YWHAH: variants seen among roughly 807,000 people sequenced by gnomAD.
YWHAH encodes the protein tyrosine 3-monooxygenase/tryptophan 5-monooxygenase activation protein eta.
In YWHAH, 6 loss-of-function variants were observed where a neutral mutation model predicts 22.9. That is an observed-to-expected ratio of 0.26 (90% CI 0.14 to 0.52). The LOEUF is 0.52. YWHAH is among the 20% of genes least tolerant of loss of function. The pLI is 0.97. For missense variants in YWHAH, 173 were observed against 308.6 expected (o/e 0.56, Z 3.29); for synonymous variants, 135 against 124.5 (o/e 1.08, Z -0.56).
intron 1 of YWHAH, among the ~76,000 whole-genome samples, chr22:31,949,158 T>TTTTTTTAG (rs2093839370): frequency 7.2e-6 from 1 of 139,014 alleles, no homozygotes; most frequent in Non-Finnish European, 1.6e-5. Flanking sequence ...TTTTTTTTTT[T>TTTTTTTAG]GAGACAGTTT....
intron 1 of YWHAH, among the ~76,000 whole-genome samples, chr22:31,955,349 A>G (rs1363210512): frequency 6.6e-6 from 1 of 151,926 alleles, no homozygotes; most frequent in East Asian, 1.9e-4. Context: ...TTTCCAGAGT[A>G]TAAAGCTGGA....
In YWHAH at chr22:31,944,779, C is replaced by T; in HGVS notation, c.46C>T (p.Gln16Ter). 3 of 1,423,034 alleles carry T rather than the reference C, an allele frequency of 2.1e-6. No individual in the cohort carries two copies. The highest frequency in any genetic ancestry group is 3.2e-5 in the East Asian group (1 of 31,038). The allele number at this position is 1,423,034 out of a possible 1,614,324, so 88.2% of individuals were successfully genotyped here. A position where few individuals can be genotyped will look rare whatever the true frequency, so the allele number is the denominator to read the frequency against. Residue 16 changes from glutamine (Q) to a stop codon, truncating the protein, a stop_gained, in exon 1 of 2, where the codon CAG becomes TAG. Transcript: ENST00000248975. LOFTEE classifies it high-confidence loss of function. ...GCTGCAGCGGGCGCGGCTGGCCGAG[C>T]AGGCGGAGCGCTACGACGACATGGC... ...QLLQRARLAE[Q>*]AERYDDMASA...
chr22:31,945,679 G>T, intron 1 of YWHAH: 1 of 1,259,464 alleles, frequency 7.9e-7, no homozygotes. Context: ...TACGTTTTCT[G>T]TAAATGAATA....
intron 1 of YWHAH, among the ~76,000 whole-genome samples, chr22:31,952,620 A>G (rs1461979707): frequency 6.6e-6 from 1 of 152,200 alleles, no homozygotes; most frequent in African/African-American, 2.4e-5. Flanking sequence ...TTGCTGAGAT[A>G]TGTTAGTCAC....
rs760179452 is a variant in YWHAH, at chr22:31,956,318, T to C, written c.267T>C (p.Ile89=). 1.2e-6 allele frequency: 2 copies of C among 1,614,076 alleles called. No individual in the cohort carries two copies. The highest frequency in any genetic ancestry group is 4.5e-5 in the East Asian group (2 of 44,892). The change falls in exon 2 of 2, where the codon ATT becomes ATC. Residue 89 remains isoleucine (I), a synonymous_variant. Transcript: ENST00000248975. This position sits in a 1 kb window ranked among gnomAD's most constrained non-coding sequence, Gnocchi z 5.1. ...AAGTTAAAGCTTACCGGGAGAAGAT[T>C]GAGAAGGAGCTGGAGACAGTTTGCA... is the stretch of plus-strand genomic sequence containing the variant. The part of the protein sequence containing the change: ...LEKVKAYREK[I]EKELETVCND...
chr22:31,947,633 C>T (rs1033151518), intron 1 of YWHAH: 1 of 385,080 alleles, frequency 2.6e-6, no homozygotes, highest in African/African-American at 2.1e-5. Context: ...CAAGCTCTAT[C>T]TCATACCTAC....
At chr22:31,945,646 C>T in intron 1 of YWHAH, 5 of 1,288,018 alleles carry the variant, frequency 3.9e-6, no homozygotes, top group Admixed American at 2.3e-5. Flanking sequence ...CGGTTACCAT[C>T]TCACTCTCTC....
intron 1 of YWHAH, among the ~76,000 whole-genome samples, chr22:31,955,874 C>G (rs776210611): frequency 3.3e-5 from 5 of 152,210 alleles, no homozygotes; most frequent in African/African-American, 4.8e-5. Flanking sequence ...AACATCTTAT[C>G]AGACCCGAAT....
chr22:31,945,083 G>T, intron 1 of YWHAH: 1 of 1,094,934 alleles, frequency 9.1e-7, no homozygotes, highest in African/African-American at 1.7e-5. Flanking sequence ...GGGCCGGTCG[G>T]GGTCGCCACA....
intron 1 of YWHAH, chr22:31,945,289 A>G (rs1248438597): frequency 8.5e-7 from 1 of 1,177,800 alleles, no homozygotes; most frequent in East Asian, 6.0e-5. Flanking sequence ...GAAGTCTGCA[A>G]TTCCGATCTG....
At chr22:31,950,616 T>C (rs921575412) in intron 1 of YWHAH, among the ~76,000 whole-genome samples, 4 of 152,202 alleles carry the variant, frequency 2.6e-5, no homozygotes, top group Non-Finnish European at 5.9e-5. Context: ...CAAGGGTAGC[T>C]GTTTTATTTG....
chr22:31,945,586 A>G, intron 1 of YWHAH: 3 of 1,303,686 alleles, frequency 2.3e-6, no homozygotes, highest in Middle Eastern at 2.1e-4. Flanking sequence ...GTGCCCAGCC[A>G]CACCCTAGCA....
chr22:31,947,625 A>G (rs910966868), intron 1 of YWHAH: 8 of 363,850 alleles, frequency 2.2e-5, no homozygotes, highest in Middle Eastern at 3.8e-4. Context: ...AGTATCTTCA[A>G]GCTCTATCTC....
chr22:31,944,620 G>A lies in YWHAH; in HGVS notation c.-114G>A. 1 of 792,250 alleles carries A rather than the reference G, an allele frequency of 1.3e-6. No individual in the cohort carries two copies. Among genetic ancestry groups the A allele is most frequent in the African/African-American group, 1.8e-5 (1 of 54,360 alleles). 49.1% of individuals were successfully genotyped at this position (792,250 alleles called of 1,614,324 possible). ...CCTGCAGCCTCCGGCCGGCCGGCGA[G>A]CCAGTGCGCGTGCGCGGCGGCGGCC... On this transcript the variant is annotated 5_prime_UTR_variant, in exon 1 of 2. Transcript: ENST00000248975.
chr22:31,944,856 G>T, intron 1 of YWHAH, 36 bp downstream of exon 1: 3 of 1,317,796 alleles, frequency 2.3e-6, no homozygotes, highest in Non-Finnish European at 2.9e-6. Flanking sequence ...CTGGCCGGGG[G>T]GGGCCTGGCG....
In YWHAH at chr22:31,956,070, TGAAGG is replaced by T. The variant is rs1212211374; in HGVS notation, c.88-63_88-59del. 6.6e-7 allele frequency: 1 copy of T among 1,515,394 alleles called. No individual in the cohort carries two copies. The highest frequency in any genetic ancestry group is 2.3e-5 in the East Asian group (1 of 44,248). 93.9% of individuals were successfully genotyped at this position (1,515,394 alleles called of 1,614,324 possible). A position where few individuals can be genotyped will look rare whatever the true frequency, so the allele number is the denominator to read the frequency against. ...TCTTGAGAAGGATTGTTGATTATGT[TGAAGG>T]GAAGGCTTCTTACCAAGATTTTCAG... On this transcript the variant is annotated intron_variant, in intron 1 of 1. Coordinates refer to ENST00000248975, the MANE Select transcript of YWHAH (RefSeq NM_003405.4). This position sits in a 1 kb window ranked among gnomAD's most constrained non-coding sequence, Gnocchi z 5.1.
rs544440716 is a variant in YWHAH, at chr22:31,956,011, T to C, written c.88-128T>C. ...TGGTTTTATCCATGGGTGGTTTTTA[T>C]TCTCCAGAGTGACTGACCTGTTCGT... On this transcript the variant is annotated intron_variant, in intron 1 of 1. Coordinates refer to ENST00000248975, the MANE Select transcript of YWHAH (RefSeq NM_003405.4). This position sits in a 1 kb window ranked among gnomAD's most constrained non-coding sequence, Gnocchi z 5.1. 7.7e-5 allele frequency: 85 copies of C among 1,097,048 alleles called. No homozygotes were observed. The African/African-American group carries it at 1.1e-3, about 14-fold the overall frequency. 68.0% of individuals were successfully genotyped at this position (1,097,048 alleles called of 1,614,324 possible).
intron 1 of YWHAH, chr22:31,950,497 A>G: frequency 1.4e-6 from 1 of 705,412 alleles, no homozygotes. Context: ...CTCTAGGGAC[A>G]GTAGCATGCA....
At chr22:31,947,961 T>C (rs1489918128) in intron 1 of YWHAH, among the ~76,000 whole-genome samples, 1 of 152,258 alleles carries the variant, frequency 6.6e-6, no homozygotes, top group Non-Finnish European at 1.5e-5. Flanking sequence ...ATGTAAAAAT[T>C]ACTGGGCTAG....
Sources: allele counts gnomAD v4.1 joint callset (sites outside exome capture counted in the v4.1 genomes callset), GRCh38; gene constraint gnomAD v4.1.1; non-coding constraint Gnocchi (gnomAD v3.1); transcripts MANE v1.5; gene names NCBI Gene and HGNC (gene_info 2026-07-23, HGNC 2026-07-21).